The following MYOM1 variants were observed in gnomAD, a reference collection of about 807,000 sequenced individuals.
MYOM1 encodes the protein myomesin 1.
MYOM1 carries 164 observed loss-of-function variants against 205.3 expected under a neutral mutation model. That is an observed-to-expected ratio of 0.80 (90% CI 0.70 to 0.91). The LOEUF (loss-of-function observed/expected upper bound fraction) is 0.91. MYOM1 is among the 40% of genes least tolerant of loss of function. The pLI is 0.00. For missense variants in MYOM1, 2,011 were observed against 2,127.3 expected, an observed-to-expected ratio of 0.95 and a Z score of 1.08; for synonymous variants, 772 against 789.4, an observed-to-expected ratio of 0.98 and a Z score of 0.37.
At chr18:3,082,101 G>A (rs7230029) in intron 33 of MYOM1, among the ~76,000 whole-genome samples, 6,429 of 152,278 alleles carry the variant, frequency 0.042, 437 homozygotes, top group African/African-American at 0.14. Flanking sequence ...TAGGGTTCGC[G>A]CTCCTATGAG....
chr18:3,168,790 A>G (rs1376268541), intron 9 of MYOM1, 27 bp downstream of exon 9: 3 of 1,612,036 alleles, frequency 1.9e-6, no homozygotes. Context: ...ATAAGAACCT[A>G]AGTGAGCATT....
chr18:3,096,412 T>C (rs556320067), intron 25 of MYOM1, among the ~76,000 whole-genome samples: 9 of 151,868 alleles, frequency 5.9e-5, no homozygotes, highest in Non-Finnish European at 1.2e-4. Flanking sequence ...TTGTTATCTC[T>C]CTCCTCCTCT....
At chr18:3,207,446 AG>A (rs1284712329) in intron 2 of MYOM1, among the ~76,000 whole-genome samples, 2 of 152,268 alleles carry the variant, frequency 1.3e-5, no homozygotes, top group African/African-American at 2.4e-5. Context: ...TGAGGTGTCC[AG>A]GGTTTGTCAA....
intron 29 of MYOM1, among the ~76,000 whole-genome samples, chr18:3,088,167 C>T: frequency 6.6e-6 from 1 of 152,148 alleles, no homozygotes; most frequent in South Asian, 2.1e-4. Flanking sequence ...AAGGCCATCA[C>T]AGGACACCAG....
chr18:3,075,784 T>TA (rs1567891660), intron 34 of MYOM1, 23 bp from the exon 35 acceptor site: 1 of 1,557,820 alleles, frequency 6.4e-7, no homozygotes, highest in Non-Finnish European at 8.7e-7. Context: ...AAAGAAAAGT[T>TA]AGAATTTTCT....
At chr18:3,197,339 T>C (rs557870334) in intron 2 of MYOM1, among the ~76,000 whole-genome samples, 2 of 152,024 alleles carry the variant, frequency 1.3e-5, no homozygotes, top group Non-Finnish European at 2.9e-5. Flanking sequence ...AGTTTCGCCA[T>C]GTTGGCCAGG....
intron 3 of MYOM1, 84 bp downstream of exon 3, chr18:3,193,734 C>A: frequency 7.3e-7 from 1 of 1,374,912 alleles, no homozygotes; most frequent in Non-Finnish European, 9.9e-7. Context: ...CTGTCCACAA[C>A]AATTATGACT....
At chr18:3,132,118 G>GTATATATATATATATATATA (rs1555621173) in intron 16 of MYOM1, among the ~76,000 whole-genome samples, 34 of 143,450 alleles carry the variant, frequency 2.4e-4, no homozygotes, top group African/African-American at 8.0e-4. Context: ...ATATGTGTGT[G>GTATATATATATATATATATA]TATATATATA....
chr18:3,120,258 A>G (rs1453054282), intron 19 of MYOM1, among the ~76,000 whole-genome samples: 1 of 152,134 alleles, frequency 6.6e-6, no homozygotes, highest in Non-Finnish European at 1.5e-5. Flanking sequence ...GATATTATAG[A>G]TTAGGGTCCC....
intron 13 of MYOM1, among the ~76,000 whole-genome samples, chr18:3,143,926 G>T (rs2080086625): frequency 8.1e-6 from 1 of 123,526 alleles, no homozygotes; most frequent in African/African-American, 3.0e-5. Context: ...AAAAAAAAAG[G>T]CCAGGCACGG....
intron 6 of MYOM1, 93 bp from the exon 7 acceptor site, chr18:3,174,301 C>G: frequency 4.7e-6 from 5 of 1,073,086 alleles, no homozygotes; most frequent in Non-Finnish European, 7.0e-6. Flanking sequence ...ATCACAGCCC[C>G]CTGCAAATCA....
upstream of MYOM1, among the ~76,000 whole-genome samples, chr18:3,224,242 G>A (rs554375569): frequency 4.6e-4 from 70 of 152,180 alleles, 3 homozygotes; most frequent in South Asian, 0.014. Flanking sequence ...GGCTGGCCTC[G>A]AACTTCTGAC....
At chr18:3,071,661 AACTG>A (rs1385936292) in intron 37 of MYOM1, among the ~76,000 whole-genome samples, 169 bp downstream of exon 37, 1 of 152,190 alleles carries the variant, frequency 6.6e-6, no homozygotes, top group African/African-American at 2.4e-5. Context: ...CTGGCCAGAA[AACTG>A]ACTGATTTTT....
rs142993155 is a variant in MYOM1 at position 3,123,108 on chromosome 18, G to A, written c.2992-3113C>T. The stretch of plus-strand genomic sequence containing the variant: ...CCCAAAGTGCTGGGATTACAGGTGT[G>A]AGCCACCATGCCCCCAGCACCACCA... On this transcript the variant is annotated intron_variant, in intron 19 of 37. Transcript: ENST00000356443. Among the ~76,000 whole-genome samples the A allele has an allele frequency of 2.5e-3, 376 of 152,270 alleles. 8 individuals are homozygous for A. Among genetic ancestry groups the A allele is most frequent in the Admixed American group, 7.4e-3 (113 of 15,288 alleles).
chr18:3,148,468 T>C (rs990467555), intron 13 of MYOM1, among the ~76,000 whole-genome samples: 2 of 152,106 alleles, frequency 1.3e-5, no homozygotes, highest in Non-Finnish European at 2.9e-5. Flanking sequence ...AGATCAGTGA[T>C]GGCTGGAGAT....
intron 5 of MYOM1, among the ~76,000 whole-genome samples, chr18:3,183,190 A>G (rs1028322239): frequency 2.0e-5 from 3 of 152,092 alleles, no homozygotes; most frequent in Admixed American, 6.5e-5. Context: ...CGGCCTCCCA[A>G]AGTGCTGGGA....
intron 1 of MYOM1, among the ~76,000 whole-genome samples, chr18:3,218,332 C>T (rs2081294336): frequency 6.6e-6 from 1 of 152,200 alleles, no homozygotes; most frequent in African/African-American, 2.4e-5. Flanking sequence ...TCCTTCTAAA[C>T]TCAGCATATT....
chr18:3,077,640 C>G (rs916487668), intron 34 of MYOM1, among the ~76,000 whole-genome samples: 1 of 152,102 alleles, frequency 6.6e-6, no homozygotes, highest in Non-Finnish European at 1.5e-5. Context: ...CAATCTACAG[C>G]CTTTTCCTTA....
rs749055450 is a variant in MYOM1 at position 3,149,133 on chromosome 18, C to T, written c.1900+12G>A. On this transcript the variant is annotated intron_variant, in intron 13 of 37. Transcript: ENST00000356443. Reference sequence around the variant, plus strand: ...CATCAGCAATAGTATCTGGGGCAACCAGACTTCTTACCTGAAGGTTCCTCT... The same window carrying T: ...CATCAGCAATAGTATCTGGGGCAACTAGACTTCTTACCTGAAGGTTCCTCT... 1.2e-6 allele frequency: 2 copies of T among 1,613,606 alleles called. No homozygotes were observed. The highest frequency in any genetic ancestry group is 2.2e-5 in the South Asian group (2 of 91,066).
Sources: gnomAD v4.1 joint callset for allele counts (sites outside exome capture counted in the v4.1 genomes callset) on GRCh38, gnomAD v4.1.1 for gene constraint, MANE v1.5 for transcripts, NCBI Gene and HGNC (gene_info 2026-07-23, HGNC 2026-07-21) for gene names.